Variants in RNF216 observed in about 807,000 individuals in gnomAD.
The protein encoded by RNF216 is E3 ubiquitin-protein ligase RNF216.
A neutral mutation model predicts 110.8 loss-of-function variants in RNF216; 72 were observed. The ratio of observed to expected loss-of-function variants is 0.65; its 90% CI spans 0.54 to 0.79. RNF216 has a LOEUF of 0.79. Among genes scored for constraint, RNF216 ranks in the 30% least tolerant of loss-of-function variants. The probability of loss-of-function intolerance (pLI) is 0.00; values close to 1 mark genes in which losing one functional copy is unlikely to be tolerated. For missense variants in RNF216, 1,342 were observed against 1,141.2 expected (o/e 1.18, Z -2.54); for synonymous variants, 495 against 407.5 (o/e 1.21, Z -2.59).
chr7:5,710,593 A>G (rs1326961843), intron 13 of RNF216, among the ~76,000 whole-genome samples: 6 of 152,114 alleles, frequency 3.9e-5, no homozygotes, highest in African/African-American at 7.2e-5. Flanking sequence ...CTTTCCTTAT[A>G]TTTTATCTCT....
intron 9 of RNF216, 145 bp from the exon 10 acceptor site, chr7:5,716,911 T>A (rs192160681): frequency 9.1e-6 from 5 of 551,594 alleles, no homozygotes; most frequent in Non-Finnish European, 9.4e-6. Flanking sequence ...TACCTGTGAA[T>A]AAATTTTAAG....
intron 13 of RNF216, among the ~76,000 whole-genome samples, chr7:5,704,641 G>C (rs906883525): frequency 2.0e-5 from 3 of 152,154 alleles, no homozygotes; most frequent in African/African-American, 7.2e-5. Flanking sequence ...TCCTCATGGA[G>C]CATCTGTGCC....
intron 13 of RNF216, among the ~76,000 whole-genome samples, chr7:5,660,943 G>GTTTTTTTTTT (rs1168463360): frequency 2.7e-4 from 24 of 90,150 alleles, no homozygotes; most frequent in African/African-American, 9.9e-4. Flanking sequence ...GAAGCCTTAG[G>GTTTTTTTTTT]TTTTTTTTTT....
intron 14 of RNF216, among the ~76,000 whole-genome samples, chr7:5,651,469 C>A (rs150281306): frequency 6.6e-6 from 1 of 151,984 alleles, no homozygotes; most frequent in African/African-American, 2.4e-5. Flanking sequence ...TGAGCTCAAG[C>A]GATCTACCTG....
At chr7:5,777,302 A>C (rs138475333) in intron 1 of RNF216, among the ~76,000 whole-genome samples, 1 of 152,354 alleles carries the variant, frequency 6.6e-6, no homozygotes, top group East Asian at 1.9e-4. Flanking sequence ...TTATTCTATG[A>C]AGCAGTAAGT....
At chr7:5,740,461 T>C (rs1218586855) in intron 4 of RNF216, among the ~76,000 whole-genome samples, 1 of 152,070 alleles carries the variant, frequency 6.6e-6, no homozygotes, top group Admixed American at 6.5e-5. Context: ...TAATAGAACT[T>C]TGTTGGATGA....
At chr7:5,768,623 G>C (rs572405777) in intron 1 of RNF216, among the ~76,000 whole-genome samples, 4 of 150,924 alleles carry the variant, frequency 2.7e-5, no homozygotes, top group Non-Finnish European at 4.4e-5. Flanking sequence ...GTCAATAAAA[G>C]ATAATTAGGT....
chr7:5,755,010 A>C (rs1475003706), intron 2 of RNF216, among the ~76,000 whole-genome samples: 2 of 140,694 alleles, frequency 1.4e-5, no homozygotes, highest in African/African-American at 2.5e-5. Flanking sequence ...CCTGGGTGCT[A>C]GAGCAAGACC....
At chr7:5,744,460 G>C (rs1794926506) in intron 3 of RNF216, among the ~76,000 whole-genome samples, 2 of 152,084 alleles carry the variant, frequency 1.3e-5, no homozygotes, top group Admixed American at 6.6e-5. Context: ...AGGAAAACAA[G>C]GGAGGGAAGG....
At chr7:5,707,874 C>T (rs749063680) in intron 13 of RNF216, among the ~76,000 whole-genome samples, 2 of 152,020 alleles carry the variant, frequency 1.3e-5, no homozygotes, top group African/African-American at 2.4e-5. Context: ...TACAGGCGCA[C>T]GCAACCACAC....
chr7:5,763,437 C>T, intron 1 of RNF216, among the ~76,000 whole-genome samples: 1 of 152,078 alleles, frequency 6.6e-6, no homozygotes, highest in South Asian at 2.1e-4. Flanking sequence ...TTGATACTAG[C>T]CGGGCCAACG....
intron 14 of RNF216, chr7:5,649,495 T>A (rs1025884630): frequency 6.6e-6 from 1 of 152,028 alleles, no homozygotes; most frequent in African/African-American, 2.4e-5. Context: ...GATGACAGAA[T>A]AAGACACTGT....
At position 5,630,381 on chromosome 7, in the gene RNF216, T is replaced by C. The variant is rs141900082; in HGVS notation, c.2383-6256A>G. ...TTAGGGTGAGAAGCCAATCATCTCG[T>C]ACCTTTTTTTTTCCCTCTAGACAGG... On this transcript the variant is annotated intron_variant, in intron 15 of 16. Coordinates refer to ENST00000389902, the MANE Select transcript of RNF216 (RefSeq NM_207111.4). 2.2e-4 allele frequency among the ~76,000 whole-genome samples: 34 copies of C among 152,104 alleles called. No homozygotes were observed. In the East Asian group the frequency reaches 6.0e-3, roughly 27 times the overall value.
At chr7:5,740,258 T>A (rs867977603) in intron 4 of RNF216, among the ~76,000 whole-genome samples, 1 of 151,292 alleles carries the variant, frequency 6.6e-6, no homozygotes, top group East Asian at 2.0e-4. Context: ...TCCCAAGAAG[T>A]TGGGACTACA....
intron 7 of RNF216, among the ~76,000 whole-genome samples, chr7:5,726,699 A>C (rs1793772417): frequency 6.6e-6 from 1 of 152,042 alleles, no homozygotes; most frequent in Admixed American, 6.6e-5. Flanking sequence ...CTCTAGTAAA[A>C]ATACAAAAAA....
At chr7:5,681,491 C>T (rs1256382815) in intron 13 of RNF216, among the ~76,000 whole-genome samples, 8 of 152,176 alleles carry the variant, frequency 5.3e-5, no homozygotes, top group Non-Finnish European at 2.9e-5. Context: ...GCCTCCCTCT[C>T]TAGTTTATTC....
At chr7:5,623,932 C>A in intron 16 of RNF216, 124 bp downstream of exon 16, 2 of 769,172 alleles carry the variant, frequency 2.6e-6, no homozygotes, top group Non-Finnish European at 4.2e-6. Context: ...TCTATAGCCA[C>A]CTGAGGGACA....
chr7:5,762,669 A>G (rs1244489120), intron 1 of RNF216, among the ~76,000 whole-genome samples: 2 of 151,918 alleles, frequency 1.3e-5, no homozygotes, highest in East Asian at 1.9e-4. Context: ...TCCAGCTTGC[A>G]TGACAGAGCG....
intron 14 of RNF216, among the ~76,000 whole-genome samples, chr7:5,650,933 C>T (rs1788347648): frequency 6.6e-6 from 1 of 152,146 alleles, no homozygotes; most frequent in Admixed American, 6.5e-5. Context: ...TTCTGAGTAC[C>T]AAACTCCTTC....
Sources: allele counts gnomAD v4.1 joint callset (sites outside exome capture counted in the v4.1 genomes callset), GRCh38; gene constraint gnomAD v4.1.1; transcripts MANE v1.5; gene names NCBI Gene and HGNC (gene_info 2026-07-23, HGNC 2026-07-21).